The following FCSK variants were observed in gnomAD, a reference collection of about 807,000 sequenced individuals.
FCSK encodes L-fucose kinase.
A neutral mutation model predicts 122.5 loss-of-function variants in FCSK; 123 were observed. The observed-to-expected ratio is 1.00, with a 90% CI of 0.87 to 1.17. The LOEUF is 1.17. Ranked by LOEUF, FCSK falls within the 50% of genes most tolerant of loss-of-function variation. The pLI is 0.00. For missense variants in FCSK, 1,366 were observed against 1,450.4 expected (o/e 0.94, Z 0.95); for synonymous variants, 620 against 625.5 (o/e 0.99, Z 0.13).
At chr16:70,468,790 C>T (rs1212659301) in intron 8 of FCSK, 59 bp from the exon 9 acceptor site, 2 of 1,605,708 alleles carry the variant, frequency 1.2e-6, no homozygotes, top group African/African-American at 2.7e-5. Context: ...CCCTCCCTGA[C>T]TTGTACCAGG....
At chr16:70,475,826 G>T in intron 20 of FCSK, 59 bp downstream of exon 20, 1 of 1,475,538 alleles carries the variant, frequency 6.8e-7, no homozygotes, top group Non-Finnish European at 9.0e-7. Flanking sequence ...GGCCCGCGGG[G>T]GGAGTGGGGC....
In FCSK at chr16:70,456,643, T is replaced by C. The variant is rs117058620; in HGVS notation, c.-23+2013T>C. Among the ~76,000 whole-genome samples, 62 of 152,354 alleles carry C rather than the reference T, an allele frequency of 4.1e-4. No individual in the cohort carries two copies. In the East Asian group the frequency reaches 0.011, roughly 27 times the overall value. On this transcript the variant is annotated intron_variant, in intron 1 of 23. Transcript: ENST00000288078. ...AGCCACTGGTGTGTGCCACATACTT[T>C]ACATTGTATTTCATGCTGAAAACAG...
chr16:70,479,842 G>A lies in FCSK; in HGVS notation c.*162G>A, dbSNP rs1488643598. Reference sequence around the variant, plus strand: ...ATCTGGGCAAGCAGAGAGTGCCTGGGACAGGACTGTGACCTGGTGGACAGG... The same window carrying A: ...ATCTGGGCAAGCAGAGAGTGCCTGGAACAGGACTGTGACCTGGTGGACAGG... On this transcript the variant is annotated 3_prime_UTR_variant, in exon 24 of 24. Transcript: ENST00000288078. 1 of 593,050 alleles carries A rather than the reference G, an allele frequency of 1.7e-6. No individual in the cohort carries two copies. The highest frequency in any genetic ancestry group is 1.9e-5 in the African/African-American group (1 of 53,864). 36.7% of individuals were successfully genotyped at this position (593,050 alleles called of 1,614,324 possible). A position where few individuals can be genotyped will look rare whatever the true frequency, so the allele number is the denominator to read the frequency against.
Position 70,473,319 on chromosome 16 carries a change from C to G in FCSK, c.1743C>G (p.Gly581=), listed in dbSNP as rs1316361058. The part of the protein sequence containing the change: ...RPLIWAAVRE[G]CPGPLLATLD... ...TGATCTGGGCTGCTGTCCGCGAGGG[C>G]TGCCCCGGGCCCCTGCTGGCCACGC... Residue 581 remains glycine, a synonymous_variant, in exon 15 of 24, where the codon GGC becomes GGG. Transcript: ENST00000288078. The surrounding 1 kb of genome is among the most constrained non-coding windows in gnomAD (Gnocchi z 4.9). The G allele has an allele frequency of 6.6e-7, 1 of 1,515,762 alleles. No homozygotes were observed. The highest frequency in any genetic ancestry group is 1.4e-5 in the African/African-American group (1 of 72,494). 93.9% of individuals were successfully genotyped at this position (1,515,762 alleles called of 1,614,324 possible).
At chr16:70,465,470 G>C (rs1246132341) in intron 4 of FCSK, among the ~76,000 whole-genome samples, 1 of 151,752 alleles carries the variant, frequency 6.6e-6, no homozygotes, top group African/African-American at 2.4e-5. Flanking sequence ...ACCAGCCTGG[G>C]CAACATGGTG....
At chr16:70,474,445 C>A in intron 16 of FCSK, 83 bp from the exon 17 acceptor site, 1 of 1,545,098 alleles carries the variant, frequency 6.5e-7, no homozygotes, top group African/African-American at 1.4e-5. Flanking sequence ...TTGGGTACCC[C>A]GGGACAGTCA....
intron 6 of FCSK, 198 bp from the exon 7 acceptor site, chr16:70,467,176 C>T: frequency 1.6e-6 from 1 of 625,118 alleles, no homozygotes; most frequent in Admixed American, 2.7e-5. Context: ...CCCCTTCTGT[C>T]CCACAGGGCT....
At chr16:70,472,898 C>A in intron 14 of FCSK, 85 bp from the exon 15 acceptor site, 3 of 1,464,154 alleles carry the variant, frequency 2.0e-6, no homozygotes, top group Non-Finnish European at 2.7e-6. Flanking sequence ...GTCCTGTCCC[C>A]ATGAACTGAC....
chr16:70,470,068 C>T (rs2048561712), intron 10 of FCSK, among the ~76,000 whole-genome samples: 2 of 152,052 alleles, frequency 1.3e-5, no homozygotes, highest in Admixed American at 6.6e-5. Flanking sequence ...TGGTCTCGAA[C>T]TCCTGACCTC....
chr16:70,470,232 A>G (rs2048567225), intron 10 of FCSK, 82 bp from the exon 11 acceptor site: 1 of 894,840 alleles, frequency 1.1e-6, no homozygotes, highest in Non-Finnish European at 1.8e-6. Flanking sequence ...ACCTGCCCCC[A>G]TGTGTCTCTG....
intron 1 of FCSK, among the ~76,000 whole-genome samples, chr16:70,456,660 T>C (rs1388285786): frequency 2.0e-5 from 3 of 152,228 alleles, no homozygotes; most frequent in Admixed American, 2.0e-4. Context: ...TATTTCATGC[T>C]GAAAACAGTC....
At chr16:70,461,747 A>G (rs999098704) in intron 1 of FCSK, among the ~76,000 whole-genome samples, 8 of 151,392 alleles carry the variant, frequency 5.3e-5, no homozygotes, top group Non-Finnish European at 1.0e-4. Flanking sequence ...GGTGGCCCCA[A>G]CTCTTACCCC....
At position 70,466,896 on chromosome 16, in the gene FCSK, C is replaced by G; in HGVS notation, c.426C>G (p.Ser142=). ...DIMTYRLGPG[S]PPGVWVCSTD... is the part of the protein sequence containing the mutation. ...TCCCCCCACAGCTGGGCCCGGGCTC[C>G]CCGCCAGGCGTGTGGGTCTGCAGCA... The change falls in exon 6 of 24, where the codon TCC becomes TCG. Residue 142 remains serine, a synonymous_variant. Transcript: ENST00000288078. The G allele has an allele frequency of 1.2e-6, 2 of 1,613,714 alleles. No homozygotes were observed. Among genetic ancestry groups the G allele is most frequent in the Non-Finnish European group, 1.7e-6 (2 of 1,179,968 alleles).
At chr16:70,464,067 T>C (rs1328242181) in intron 3 of FCSK, among the ~76,000 whole-genome samples, 1 of 152,170 alleles carries the variant, frequency 6.6e-6, no homozygotes, top group Non-Finnish European at 1.5e-5. Flanking sequence ...CATCCCCATA[T>C]GGCAACGAAC....
In FCSK at chr16:70,473,117, A is replaced by G. The variant is rs1466336943; in HGVS notation, c.1541A>G (p.Asp514Gly). The G allele has an allele frequency of 1.3e-6, 2 of 1,582,006 alleles. No homozygotes were observed. The highest frequency in any genetic ancestry group is 1.7e-6 in the Non-Finnish European group (2 of 1,165,364). Reference sequence around the variant, plus strand: ...CTGTGGATGCTGGACCACCAGGAGGATGGGGGCGAGGCCCTGCGAGCCTGG... The same window carrying G: ...CTGTGGATGCTGGACCACCAGGAGGGTGGGGGCGAGGCCCTGCGAGCCTGG... ...DLLWMLDHQE[D>G]GGEALRAWRA... The change falls in exon 15 of 24, where the codon GAT becomes GGT. Residue 514 changes from aspartate to glycine, a missense_variant. Physicochemically the swap from Asp to Gly is moderately conservative, Grantham distance 94. Coordinates refer to ENST00000288078, the MANE Select transcript of FCSK (RefSeq NM_145059.3). The surrounding 1 kb of genome is among the most constrained non-coding windows in gnomAD (Gnocchi z 4.9).
chr16:70,474,043 T>G, intron 15 of FCSK, 86 bp from the exon 16 acceptor site: 3 of 1,292,266 alleles, frequency 2.3e-6, no homozygotes, highest in African/African-American at 1.5e-5. Context: ...GTCTGGCGCA[T>G]TTAGGGACTG....
At chr16:70,454,826 C>A (rs1311265928) in intron 1 of FCSK, 196 bp downstream of exon 1, 1 of 152,238 alleles carries the variant, frequency 6.6e-6, no homozygotes, top group South Asian at 2.1e-4. Context: ...GCTCCCGCGT[C>A]CATTTGGCCT....
chr16:70,479,207 T>C lies in FCSK; in HGVS notation c.2957T>C (p.Leu986Pro). ...QGSLPLLGQC[L>P]TSYWEQKKLM... ...AGCCTGCCTCTGCTGGGCCAGTGCC[T>C]GACCTCGTACTGGGAGCAGAAGAAG... Residue 986 changes from leucine to proline, a missense_variant, in exon 23 of 24, where the codon CTG becomes CCG. Physicochemically the swap from Leu to Pro is moderately conservative, Grantham distance 98 (BLOSUM62 -3). Transcript: ENST00000288078. 6.2e-7 allele frequency: 1 copy of C among 1,613,618 alleles called. No individual in the cohort carries two copies. Among genetic ancestry groups the C allele is most frequent in the Non-Finnish European group, 8.5e-7 (1 of 1,180,012 alleles).
intron 7 of FCSK, 190 bp from the exon 8 acceptor site, chr16:70,467,696 A>C (rs186694165): frequency 1.6e-6 from 1 of 640,178 alleles, no homozygotes; most frequent in East Asian, 2.7e-5. Context: ...CAGGGCTGCA[A>C]AGACCTTTAA....
Sources: gnomAD v4.1 joint callset for allele counts (sites outside exome capture counted in the v4.1 genomes callset) on GRCh38, gnomAD v4.1.1 for gene constraint, Gnocchi (gnomAD v3.1) non-coding constraint, MANE v1.5 for transcripts, NCBI Gene and HGNC (gene_info 2026-07-23, HGNC 2026-07-21) for gene names.